Variants in MYO5A observed in about 807,000 individuals in gnomAD.
MYO5A encodes myosin VA.
Under a neutral mutation model 249.7 loss-of-function variants are expected in MYO5A, and 98 were observed. The observed-to-expected ratio is 0.39, with a 90% CI of 0.33 to 0.46. The LOEUF is 0.46. MYO5A is among the 20% of genes least tolerant of loss of function. The pLI is 0.98. For missense variants in MYO5A, 1,696 were observed against 2,308.8 expected, an observed-to-expected ratio of 0.73 and a Z score of 5.44; for synonymous variants, 778 against 810.6, an observed-to-expected ratio of 0.96 and a Z score of 0.68.
chr15:52,471,758 G>A (rs1438270056), intron 1 of MYO5A, among the ~76,000 whole-genome samples: 1 of 152,156 alleles, frequency 6.6e-6, no homozygotes, highest in Non-Finnish European at 1.5e-5. Flanking sequence ...ACATGCAGTG[G>A]TGCATTCATG....
At chr15:52,525,677 T>A (rs2077718027) in intron 1 of MYO5A, among the ~76,000 whole-genome samples, 1 of 152,238 alleles carries the variant, frequency 6.6e-6, no homozygotes, top group African/African-American at 2.4e-5. Context: ...CCTATAATCC[T>A]CTGCAAGGGG....
chr15:52,486,572 C>A (rs1323370818), intron 1 of MYO5A, among the ~76,000 whole-genome samples: 1 of 152,106 alleles, frequency 6.6e-6, no homozygotes, highest in Non-Finnish European at 1.5e-5. Context: ...AGAAATCAGA[C>A]TTTTCCAGTT....
intron 1 of MYO5A, among the ~76,000 whole-genome samples, chr15:52,451,974 C>A (rs1567139352): frequency 1.3e-5 from 2 of 152,146 alleles, no homozygotes; most frequent in South Asian, 4.1e-4. Flanking sequence ...CCAGTAATTA[C>A]TTACTGAATA....
chr15:52,390,786 C>T (rs1160146024), intron 12 of MYO5A, among the ~76,000 whole-genome samples: 1 of 152,070 alleles, frequency 6.6e-6, no homozygotes, highest in Non-Finnish European at 1.5e-5. Flanking sequence ...TCTCAAACTC[C>T]TGAACTCAAA....
chr15:52,488,105 C>A (rs1442629181), intron 1 of MYO5A, among the ~76,000 whole-genome samples: 1 of 150,564 alleles, frequency 6.6e-6, no homozygotes, highest in Non-Finnish European at 1.5e-5. Flanking sequence ...ACTAAATTAT[C>A]TAGGGTGAAA....
chr15:52,492,179 C>T (rs550685093), intron 1 of MYO5A, among the ~76,000 whole-genome samples: 8 of 152,204 alleles, frequency 5.3e-5, no homozygotes, highest in African/African-American at 1.9e-4. Flanking sequence ...TGTCAGGGAT[C>T]CCCAGACCAC....
Position 52,416,235 on chromosome 15 carries a change from C to T in MYO5A, c.522G>A (p.Lys174=), listed in dbSNP as rs1474788860. The change falls in exon 5 of 42, where the codon AAG becomes AAA. Residue 174 remains lysine, a synonymous_variant. Transcript: ENST00000399233. ...ESGAGKTVSA[K]YAMRYFATVS... ...CAGTTGCAAAGTATCGCATGGCATA[C>T]TTAGCTGAGACTGTTTTTCCTGCCC... 1.2e-6 allele frequency: 2 copies of T among 1,614,112 alleles called. No homozygotes were observed. The highest frequency in any genetic ancestry group is 2.2e-5 in the South Asian group (2 of 91,086).
chr15:52,348,718 T>A, intron 29 of MYO5A, 100 bp downstream of exon 29: 1 of 1,012,580 alleles, frequency 9.9e-7, no homozygotes. Flanking sequence ...CAAAATAGAC[T>A]TGGTCAGAAA....
At chr15:52,513,644 T>A (rs1423007072) in intron 1 of MYO5A, among the ~76,000 whole-genome samples, 1 of 151,844 alleles carries the variant, frequency 6.6e-6, no homozygotes, top group East Asian at 2.0e-4. Flanking sequence ...CTGGCCAGGC[T>A]GGTCTCGAAC....
rs2414145 is a variant in MYO5A at position 52,375,355 on chromosome 15, G to C, written c.2526C>G (p.Ile842Met). Residue 842 changes from isoleucine (I) to methionine (M), a missense_variant, in exon 20 of 42, where the codon ATC becomes ATG. Ile to Met is a conservative substitution (Grantham distance 10, BLOSUM62 1). This residue lies in a region of MYO5A where 412 missense variants were observed against 453.3 expected (regional missense o/e 0.91). Coordinates refer to ENST00000399233, the MANE Select transcript of MYO5A (RefSeq NM_001382347.1). ...RRYKIRRAAT[I>M]VLQSYLRGFL... is the part of the protein sequence containing the mutation. ...AGCCTCGCAAGTAAGACTGAAGAAC[G>C]ATAGTGGCAGCTCGTCTAATCTTGT... The C allele has an allele frequency of 6.2e-7, 1 of 1,614,024 alleles. No homozygotes were observed. Among genetic ancestry groups the C allele is most frequent in the South Asian group, 1.1e-5 (1 of 91,074 alleles).
intron 1 of MYO5A, among the ~76,000 whole-genome samples, chr15:52,441,069 T>A (rs2075775502): frequency 6.6e-6 from 1 of 152,148 alleles, no homozygotes; most frequent in Non-Finnish European, 1.5e-5. Flanking sequence ...CAGTACCCCC[T>A]CCTCTGAAAT....
intron 34 of MYO5A, among the ~76,000 whole-genome samples, chr15:52,330,761 T>C (rs1294082576): frequency 6.6e-6 from 1 of 152,234 alleles, no homozygotes; most frequent in African/African-American, 2.4e-5. Flanking sequence ...CAAAACTTTT[T>C]TTTATGTAAT....
intron 1 of MYO5A, among the ~76,000 whole-genome samples, chr15:52,444,090 G>A (rs1054633399): frequency 2.6e-5 from 4 of 152,026 alleles, no homozygotes; most frequent in African/African-American, 9.7e-5. Context: ...GATATGCTTT[G>A]TCACCATTAA....
intron 2 of MYO5A, among the ~76,000 whole-genome samples, chr15:52,431,608 C>T (rs767872980): frequency 4.0e-5 from 6 of 151,316 alleles, no homozygotes; most frequent in Non-Finnish European, 8.8e-5. Flanking sequence ...ATACTATCCT[C>T]CAATATAAGG....
intron 1 of MYO5A, among the ~76,000 whole-genome samples, chr15:52,511,834 T>G (rs1031298223): frequency 1.3e-5 from 2 of 152,202 alleles, no homozygotes; most frequent in African/African-American, 2.4e-5. Flanking sequence ...TTTCTGTTTG[T>G]TTTTTGGTCT....
At chr15:52,483,877 T>C (rs558453527) in intron 1 of MYO5A, among the ~76,000 whole-genome samples, 38 of 152,332 alleles carry the variant, frequency 2.5e-4, no homozygotes, top group Non-Finnish European at 5.0e-4. Flanking sequence ...AATGTCACAC[T>C]GTGGAAATGA....
intron 20 of MYO5A, among the ~76,000 whole-genome samples, chr15:52,372,831 CCCTGACTGCTGATACCA>C (rs2041198420): frequency 1.3e-5 from 2 of 152,190 alleles, no homozygotes; most frequent in Admixed American, 1.3e-4. Flanking sequence ...ATCCCCACCA[CCCTGACTGCTGATACCA>C]CCTCACTATG....
chr15:52,514,505 G>A (rs951217145), intron 1 of MYO5A, among the ~76,000 whole-genome samples: 1 of 152,220 alleles, frequency 6.6e-6, no homozygotes, highest in East Asian at 1.9e-4. Flanking sequence ...AGTAATCCAG[G>A]AAGGGGAATG....
intron 1 of MYO5A, among the ~76,000 whole-genome samples, chr15:52,468,761 GACAA>G (rs1225019932): frequency 6.6e-6 from 1 of 152,144 alleles, no homozygotes; most frequent in African/African-American, 2.4e-5. Context: ...GAAGAAAGTG[GACAA>G]ACAGGTATTT....
Sources: gnomAD v4.1 joint callset for allele counts (sites outside exome capture counted in the v4.1 genomes callset) on GRCh38, gnomAD v4.1.1 for gene constraint, gnomAD v4.1.1 regional missense constraint, MANE v1.5 for transcripts, NCBI Gene and HGNC (gene_info 2026-07-23, HGNC 2026-07-21) for gene names.